SCLY: variants seen among roughly 807,000 people sequenced by gnomAD.
The protein encoded by SCLY is putative selenocysteine lyase.
In SCLY, 38 loss-of-function variants were observed where a neutral mutation model predicts 50.1. The ratio of observed to expected loss-of-function variants is 0.76; its 90% CI spans 0.59 to 0.99. SCLY has a LOEUF of 0.99. Ranked by LOEUF, SCLY falls within the 50% of genes least tolerant of loss-of-function variation. The pLI, the probability that SCLY is intolerant of heterozygous loss-of-function variation, is 0.00. For synonymous variants in SCLY, 243 were observed against 249.4 expected (o/e 0.97, Z 0.24); for missense variants, 600 against 620.0 (o/e 0.97, Z 0.34).
intron 7 of SCLY, among the ~76,000 whole-genome samples, chr2:238,085,514 C>T (rs1278150081): frequency 6.6e-6 from 1 of 150,784 alleles, no homozygotes; most frequent in Admixed American, 6.6e-5. Context: ...GTCAGGAGAT[C>T]GAGACCATCC....
intron 11 of SCLY, among the ~76,000 whole-genome samples, 200 bp downstream of exon 11, chr2:238,097,076 C>G (rs367588068): frequency 6.6e-6 from 1 of 151,488 alleles, no homozygotes; most frequent in African/African-American, 2.4e-5. Flanking sequence ...AGGACTTGTG[C>G]GGGAGAAGAG....
intron 7 of SCLY, among the ~76,000 whole-genome samples, chr2:238,090,167 G>C (rs1318459594): frequency 6.6e-6 from 1 of 152,176 alleles, no homozygotes; most frequent in Non-Finnish European, 1.5e-5. Flanking sequence ...CACAGGAAAA[G>C]ATGTTCAACA....
chr2:238,080,092 C>A (rs538248397), intron 4 of SCLY: 5 of 152,334 alleles, frequency 3.3e-5, no homozygotes, highest in African/African-American at 1.2e-4. Flanking sequence ...TTCTTCATAT[C>A]GGTTGTACTT....
In SCLY at chr2:238,083,836, G is replaced by T. The variant is rs2065261958; in HGVS notation, c.884+482G>T. 6.6e-6 allele frequency among the ~76,000 whole-genome samples: 1 copy of T among 152,204 alleles called. No homozygotes were observed. Among genetic ancestry groups the T allele is most frequent in the Admixed American group, 6.5e-5 (1 of 15,286 alleles). ...ACTACTTAACAAGAGAGAGAAACAG[G>T]AACAGCATGGTGGTGAGTTCCTGGG... On this transcript the variant is annotated intron_variant, in intron 7 of 11. Transcript: ENST00000254663. This position sits in a 1 kb window ranked among gnomAD's most constrained non-coding sequence, Gnocchi z 4.3.
intron 1 of SCLY, chr2:238,061,518 GC>G (rs924909382): frequency 5.6e-4 from 88 of 158,448 alleles, no homozygotes; most frequent in Middle Eastern, 3.6e-3. Flanking sequence ...TTCATTCGGA[GC>G]CTTATGGGGC....
At chr2:238,063,255 TG>T (rs1236540576) in intron 1 of SCLY, among the ~76,000 whole-genome samples, 6 of 130,726 alleles carry the variant, frequency 4.6e-5, no homozygotes, top group African/African-American at 1.3e-4. Context: ...TTTTTGTTGT[TG>T]TTTTTTTTTT....
intron 4 of SCLY, among the ~76,000 whole-genome samples, chr2:238,074,635 C>T (rs2065156070): frequency 6.6e-6 from 1 of 152,128 alleles, no homozygotes; most frequent in Admixed American, 6.5e-5. Context: ...AAGCATGTGC[C>T]ACCATGCCCG....
chr2:238,069,381 C>A lies in SCLY; in HGVS notation c.388C>A (p.Pro130Thr), dbSNP rs1318639970. 6.2e-7 allele frequency: 1 copy of A among 1,614,074 alleles called. No homozygotes were observed. Among genetic ancestry groups the A allele is most frequent in the Non-Finnish European group, 8.5e-7 (1 of 1,180,032 alleles). The change falls in exon 4 of 12, where the codon CCA becomes ACA. Residue 130 changes from proline to threonine, a missense_variant. Pro to Thr is a conservative substitution (Grantham distance 38). Coordinates refer to ENST00000254663, the MANE Select transcript of SCLY (RefSeq NM_016510.7). The surrounding 1 kb of genome is among the most constrained non-coding windows in gnomAD (Gnocchi z 5.0). ...SKGHTGGHHS[P>T]VKGAKPHFIT... Reference sequence around the variant, plus strand: ...GGGACACACAGGTGGGCACCACAGCCCAGTGAAGGGGGCCAAGCCCCATTT... The same window carrying A: ...GGGACACACAGGTGGGCACCACAGCACAGTGAAGGGGGCCAAGCCCCATTT...
At chr2:238,097,354 T>G (rs2065449226) in intron 11 of SCLY, among the ~76,000 whole-genome samples, 1 of 146,264 alleles carries the variant, frequency 6.8e-6, no homozygotes, top group Non-Finnish European at 1.5e-5. Context: ...GCGGAGACTG[T>G]GGGGTAGAGG....
chr2:238,087,543 G>A (rs181585722), intron 7 of SCLY, among the ~76,000 whole-genome samples: 3 of 152,132 alleles, frequency 2.0e-5, no homozygotes, highest in South Asian at 2.1e-4. Flanking sequence ...CTTCAGGCCC[G>A]GTGGTTTCAT....
intron 2 of SCLY, 101 bp downstream of exon 2, chr2:238,064,570 G>A (rs1019505169): frequency 1.6e-6 from 1 of 644,246 alleles, no homozygotes. Flanking sequence ...GTTTTGAATA[G>A]GTTTCTGTTA....
chr2:238,098,992 G>GCGCCCCC lies in SCLY; in HGVS notation c.*642_*643insCCCGCCC. The GCGCCCCC allele has an allele frequency of 3.0e-6, 1 of 336,836 alleles. No homozygotes were observed. The highest frequency in any genetic ancestry group is 5.8e-6 in the Non-Finnish European group (1 of 173,364). 20.9% of individuals were successfully genotyped at this position (336,836 alleles called of 1,614,324 possible). A position where few individuals can be genotyped will look rare whatever the true frequency, so the allele number is the denominator to read the frequency against. On this transcript the variant is annotated 3_prime_UTR_variant, in exon 12 of 12. Coordinates refer to ENST00000254663, the MANE Select transcript of SCLY (RefSeq NM_016510.7). ...GCCTCGGCCAGGCCTGCTCTGCTCA[G>GCGCCCCC]CGCCCACCGCCCACCACCCCTCCTG...
intron 1 of SCLY, among the ~76,000 whole-genome samples, chr2:238,062,086 G>T (rs2106433362): frequency 6.6e-6 from 1 of 152,244 alleles, no homozygotes; most frequent in Admixed American, 6.5e-5. Flanking sequence ...TGGTTATGAA[G>T]CTAACAAAGT....
Position 238,098,546 on chromosome 2 carries a change from G to T in SCLY, c.*191G>T. 1 of 510,108 alleles carries T rather than the reference G, an allele frequency of 2.0e-6. No homozygotes were observed. The highest frequency in any genetic ancestry group is 2.8e-5 in the South Asian group (1 of 35,158). 31.6% of individuals were successfully genotyped at this position (510,108 alleles called of 1,614,324 possible). Reference sequence around the variant, plus strand: ...ACCCCTGCAGAGCTCACAGGGCCCAGGACACCAACGCCGCATAGGACTGCC... The same window carrying T: ...ACCCCTGCAGAGCTCACAGGGCCCATGACACCAACGCCGCATAGGACTGCC... On this transcript the variant is annotated 3_prime_UTR_variant, in exon 12 of 12. Coordinates refer to ENST00000254663, the MANE Select transcript of SCLY (RefSeq NM_016510.7).
chr2:238,061,037 G>T lies in SCLY; in HGVS notation c.-18G>T. The T allele has an allele frequency of 1.5e-6, 2 of 1,369,022 alleles. No homozygotes were observed. Among genetic ancestry groups the T allele is most frequent in the Non-Finnish European group, 1.9e-6 (2 of 1,068,958 alleles). The allele number at this position is 1,369,022 out of a possible 1,614,324, so 84.8% of individuals were successfully genotyped here. ...TCCGCGGGAAGGAGGCTGGATGCCC[G>T]GCAGCAGTGGGGCGGGGATGGAGGC... On this transcript the variant is annotated 5_prime_UTR_variant, in exon 1 of 12. Transcript: ENST00000254663.
chr2:238,069,274 C>T lies in SCLY; in HGVS notation c.304-23C>T. ...TACCTCAGCACAGTTTTTGTAAATG[C>T]TTTTTTTGCTGTATCTCTGCAGTCA... On this transcript the variant is annotated intron_variant, in intron 3 of 11. Coordinates refer to ENST00000254663, the MANE Select transcript of SCLY (RefSeq NM_016510.7). This position sits in a 1 kb window ranked among gnomAD's most constrained non-coding sequence, Gnocchi z 5.0. 3 of 1,607,890 alleles carry T rather than the reference C, an allele frequency of 1.9e-6. No homozygotes were observed.
chr2:238,086,876 G>A (rs777442582), intron 7 of SCLY, among the ~76,000 whole-genome samples: 6 of 151,894 alleles, frequency 4.0e-5, no homozygotes, highest in East Asian at 1.9e-4. Context: ...AAAATGAGCC[G>A]GGTGTGGTGG....
At chr2:238,087,161 C>CAAA (rs34951361) in intron 7 of SCLY, among the ~76,000 whole-genome samples, 4 of 124,086 alleles carry the variant, frequency 3.2e-5, no homozygotes, top group Non-Finnish European at 3.5e-5. Context: ...CCTGTTTCTA[C>CAAA]AAAAAAAAAA....
rs543161571 is a variant in SCLY, at chr2:238,098,951, T to A, written c.*596T>A. 1 of 268,420 alleles carries A rather than the reference T, an allele frequency of 3.7e-6. No individual in the cohort carries two copies. The highest frequency in any genetic ancestry group is 5.1e-5 in the Admixed American group (1 of 19,606). The allele number at this position is 268,420 out of a possible 1,614,324, so 16.6% of individuals were successfully genotyped here. ...CACCACCCTGCTCCTCTGGCCTCAGTGCACAGTGGCCCCCAGCCTCGGCCA... is the reference window on the plus strand; with the variant it reads ...CACCACCCTGCTCCTCTGGCCTCAGAGCACAGTGGCCCCCAGCCTCGGCCA... On this transcript the variant is annotated 3_prime_UTR_variant, in exon 12 of 12. Transcript: ENST00000254663.
Sources: allele counts gnomAD v4.1 joint callset (sites outside exome capture counted in the v4.1 genomes callset), GRCh38; gene constraint gnomAD v4.1.1; non-coding constraint Gnocchi (gnomAD v3.1); transcripts MANE v1.5; gene names NCBI Gene and HGNC (gene_info 2026-07-23, HGNC 2026-07-21).